RASEF: variants seen among roughly 807,000 people sequenced by gnomAD.
RASEF encodes the protein ras and EF-hand domain-containing protein.
Under a neutral mutation model 90.1 loss-of-function variants are expected in RASEF, and 68 were observed. That is an observed-to-expected ratio of 0.75 (90% CI 0.62 to 0.92). The LOEUF is 0.92. RASEF is among the 40% of genes least tolerant of loss of function. The pLI, the probability that RASEF is intolerant of heterozygous loss-of-function variation, is 0.00. For missense variants in RASEF, 949 were observed against 937.2 expected (o/e 1.01, Z -0.16); for synonymous variants, 331 against 345.2 (o/e 0.96, Z 0.46).
chr9:83,040,698 G>C (rs1437409660), intron 1 of RASEF, among the ~76,000 whole-genome samples: 1 of 152,114 alleles, frequency 6.6e-6, no homozygotes, highest in Non-Finnish European at 1.5e-5. Flanking sequence ...TAAATAGTTG[G>C]CATTTAATTC....
chr9:83,122,302 T>C, the RASEF span, among the ~76,000 whole-genome samples: 1 of 152,154 alleles, frequency 6.6e-6, no homozygotes, highest in Non-Finnish European at 1.5e-5. Context: ...CAAGCGAGCA[T>C]TCATTAAAAC....
At chr9:83,207,541 C>T in the RASEF span, among the ~76,000 whole-genome samples, 12 of 151,316 alleles carry the variant, frequency 7.9e-5, no homozygotes, top group South Asian at 4.2e-4. Flanking sequence ...TTGAGGGGCC[C>T]GATAACTTTC....
chr9:83,015,970 G>T, intron 3 of RASEF, 70 bp from the exon 4 acceptor site: 1 of 1,134,266 alleles, frequency 8.8e-7, no homozygotes, highest in South Asian at 1.3e-5. Context: ...CCCCACAGGT[G>T]AGAAACATTT....
intron 14 of RASEF, among the ~76,000 whole-genome samples, chr9:82,995,450 T>A (rs1405750936): frequency 1.3e-5 from 2 of 152,110 alleles, no homozygotes; most frequent in African/African-American, 2.4e-5. Context: ...ACCTTGGGAT[T>A]CCTTTTTATT....
the RASEF span, among the ~76,000 whole-genome samples, chr9:83,089,904 A>AGAT: frequency 0.03 from 4,086 of 138,426 alleles, 70 homozygotes; most frequent in South Asian, 0.052. Context: ...ATAGATAGAT[A>AGAT]GATAGATAGA....
the RASEF span, among the ~76,000 whole-genome samples, chr9:83,202,820 A>G: frequency 3.3e-5 from 5 of 152,102 alleles, no homozygotes; most frequent in Non-Finnish European, 7.4e-5. Context: ...TGTTCTCACC[A>G]CAGAAAAGAT....
chr9:83,139,663 G>C, the RASEF span, among the ~76,000 whole-genome samples: 1 of 152,062 alleles, frequency 6.6e-6, no homozygotes, highest in Non-Finnish European at 1.5e-5. Context: ...GGTGGCAGAG[G>C]CGGAAGAAAA....
the RASEF span, among the ~76,000 whole-genome samples, chr9:83,074,203 A>G: frequency 9.2e-5 from 14 of 152,334 alleles, no homozygotes; most frequent in East Asian, 7.7e-4. Flanking sequence ...CAATCTAACA[A>G]CAACAAAAAA....
chr9:82,998,586 G>C (rs1267504154), intron 12 of RASEF, 140 bp from the exon 13 acceptor site: 1 of 592,730 alleles, frequency 1.7e-6, no homozygotes. Flanking sequence ...CCTTTAAGGA[G>C]AGTGACCTTC....
chr9:83,062,300 G>GAGT, intron 1 of RASEF, 137 bp downstream of exon 1: 1 of 807,956 alleles, frequency 1.2e-6, no homozygotes, highest in Non-Finnish European at 2.0e-6. Flanking sequence ...AAGTCAAAGC[G>GAGT]AGTAGGTGAA....
chr9:83,089,910 A>G, the RASEF span, among the ~76,000 whole-genome samples: 1 of 147,966 alleles, frequency 6.8e-6, no homozygotes, highest in Non-Finnish European at 1.5e-5. Flanking sequence ...AGATAGATAG[A>G]TAGATAGATA....
chr9:83,055,832 T>C, intron 1 of RASEF: 1 of 583,980 alleles, frequency 1.7e-6, no homozygotes, highest in Non-Finnish European at 3.1e-6. Context: ...GAAGGGTCTA[T>C]GGCTCCCAAT....
At chr9:83,194,195 T>A in the RASEF span, among the ~76,000 whole-genome samples, 1 of 152,234 alleles carries the variant, frequency 6.6e-6, no homozygotes, top group Non-Finnish European at 1.5e-5. Flanking sequence ...GTCCTTTTCC[T>A]GTTTTAGGAT....
chr9:83,092,869 A>C, the RASEF span, among the ~76,000 whole-genome samples: 5 of 152,068 alleles, frequency 3.3e-5, no homozygotes, highest in Admixed American at 1.3e-4. Context: ...GTAAGGACAC[A>C]AAGGTTCTCC....
chr9:83,194,940 C>T, the RASEF span, among the ~76,000 whole-genome samples: 248 of 152,288 alleles, frequency 1.6e-3, no homozygotes, highest in African/African-American at 5.8e-3. Context: ...CTTGCCCCAG[C>T]CCTAGAATGG....
chr9:83,034,165 G>A (rs1817112719), intron 1 of RASEF, among the ~76,000 whole-genome samples: 1 of 152,166 alleles, frequency 6.6e-6, no homozygotes, highest in South Asian at 2.1e-4. Flanking sequence ...CCCACTAATA[G>A]AGTTGCTTAC....
the RASEF span, among the ~76,000 whole-genome samples, chr9:83,192,096 C>T: frequency 6.6e-6 from 1 of 152,124 alleles, no homozygotes; most frequent in Non-Finnish European, 1.5e-5. Flanking sequence ...GATGCTTATA[C>T]ACTGTTGGTG....
At chr9:83,019,974 G>A (rs191112831) in intron 3 of RASEF, among the ~76,000 whole-genome samples, 1 of 152,292 alleles carries the variant, frequency 6.6e-6, no homozygotes, top group East Asian at 1.9e-4. Context: ...AAGAAACTTC[G>A]AGGGTGGATA....
At chr9:83,090,168 T>C in the RASEF span, among the ~76,000 whole-genome samples, 1 of 152,194 alleles carries the variant, frequency 6.6e-6, no homozygotes, top group Non-Finnish European at 1.5e-5. Context: ...TGTTATACTT[T>C]TCAATTCCAG....
Sources: allele counts gnomAD v4.1 joint callset (sites outside exome capture counted in the v4.1 genomes callset), GRCh38; gene constraint gnomAD v4.1.1; transcripts MANE v1.5; gene names NCBI Gene and HGNC (gene_info 2026-07-23, HGNC 2026-07-21).